GANAB: variants seen among roughly 807,000 people sequenced by gnomAD.
GANAB encodes glucosidase II alpha subunit, also known as neutral alpha-glucosidase AB.
Under a neutral mutation model 129.9 loss-of-function variants are expected in GANAB, and 35 were observed. The observed-to-expected ratio is 0.27, with a 90% CI of 0.21 to 0.36. The LOEUF (loss-of-function observed/expected upper bound fraction) is 0.36, where lower values mean the gene tolerates loss of function less well. GANAB is among the 10% of genes least tolerant of loss of function. The pLI is 1.00. For missense variants in GANAB, 939 were observed against 1,221.0 expected, an observed-to-expected ratio of 0.77 and a Z score of 3.44; for synonymous variants, 482 against 451.8, an observed-to-expected ratio of 1.07 and a Z score of -0.85.
chr11:62,630,640 G>A lies in GANAB; in HGVS notation c.1347C>T (p.Pro449=). The change falls in exon 11 of 24, where the codon CCC becomes CCT. Residue 449 remains proline, a synonymous_variant. Coordinates refer to ENST00000356638, the MANE Select transcript of GANAB (RefSeq NM_198334.3). ...AAGCCAAGCGCTCAAGCATGGTGCG[G>A]GGCTGAGGGAAGCGACTGGGGTCCC... ...FTWDPSRFPQ[P]RTMLERLASK... 6.2e-7 allele frequency: 1 copy of A among 1,614,150 alleles called. No individual in the cohort carries two copies. The highest frequency in any genetic ancestry group is 8.5e-7 in the Non-Finnish European group (1 of 1,179,976).
intron 9 of GANAB, among the ~76,000 whole-genome samples, chr11:62,632,334 G>GT (rs1240638112): frequency 2.0e-5 from 3 of 152,140 alleles, no homozygotes; most frequent in Non-Finnish European, 1.5e-5. Context: ...TACCTAGCAC[G>GT]TAACACACTG....
Position 62,638,690 on chromosome 11 carries a change from G to T in GANAB, c.380+293C>A, listed in dbSNP as rs2956993. On this transcript the variant is annotated intron_variant, in intron 4 of 23. Coordinates refer to ENST00000356638, the MANE Select transcript of GANAB (RefSeq NM_198334.3). The stretch of plus-strand genomic sequence containing the variant: ...GGTAGACATTGTATTCCTGGAGAAC[G>T]AGATCTGTAAATAAACAGGGCCTTG... Among the ~76,000 whole-genome samples, 98,492 of 151,456 alleles carry T rather than the reference G, an allele frequency of 0.65. 32,490 individuals are homozygous for T. The highest frequency in any genetic ancestry group is 0.93 in the East Asian group (4,775 of 5,154).
At position 62,630,220 on chromosome 11, in the gene GANAB, T is replaced by C. The variant is rs750867994; in HGVS notation, c.1570A>G (p.Met524Val). Residue 524 changes from methionine (M) to valine (V), a missense_variant, in exon 13 of 24, where the codon ATG becomes GTG. Physicochemically the swap from Met to Val is conservative, Grantham distance 21 (BLOSUM62 1). This residue lies in a region of GANAB where 220 missense variants were observed against 295.9 expected (regional missense o/e 0.74). Coordinates refer to ENST00000356638, the MANE Select transcript of GANAB (RefSeq NM_198334.3). ...ACCTCATAATTGTCATAGCTGAACATGTTAGCCCACCAGGCCCTCATCGTG... is the reference window on the plus strand; with the variant it reads ...ACCTCATAATTGTCATAGCTGAACACGTTAGCCCACCAGGCCCTCATCGTG... ...NPTMRAWWAN[M>V]FSYDNYEGSA... 2.5e-6 allele frequency: 4 copies of C among 1,613,086 alleles called. No homozygotes were observed. Among genetic ancestry groups the C allele is most frequent in the South Asian group, 2.2e-5 (2 of 90,952 alleles).
intron 1 of GANAB, among the ~76,000 whole-genome samples, chr11:62,646,016 G>GCA: frequency 6.6e-6 from 1 of 152,356 alleles, no homozygotes; most frequent in African/African-American, 2.4e-5. Context: ...TGGACCCTGG[G>GCA]CCGTGCCCAG....
intron 5 of GANAB, chr11:62,634,198 A>T (rs962202355): frequency 2.0e-5 from 15 of 736,538 alleles, no homozygotes; most frequent in Non-Finnish European, 3.5e-5. Flanking sequence ...CAGCAGGGGA[A>T]AGTGGGGTGA....
rs770977194 is a variant in GANAB at position 62,635,016 on chromosome 11, A to G, written c.381-16T>C. 20 of 1,596,674 alleles carry G rather than the reference A, an allele frequency of 1.3e-5. No homozygotes were observed. In the Middle Eastern group the frequency reaches 8.3e-4, roughly 66 times the overall value. ...GACAGAAAGCCTGGGAAACATATCA[A>G]AAGAAATATAAGGAAGTACAAAGGG... is the stretch of plus-strand genomic sequence containing the variant. On this transcript the variant is annotated splice_polypyrimidine_tract_variant and intron_variant, in intron 4 of 23. Coordinates refer to ENST00000356638, the MANE Select transcript of GANAB (RefSeq NM_198334.3).
chr11:62,629,399 G>T (rs1590798201), intron 15 of GANAB, 104 bp from the exon 16 acceptor site: 1 of 898,722 alleles, frequency 1.1e-6, no homozygotes, highest in East Asian at 2.4e-5. Context: ...CCCTGCTGAA[G>T]ATGCAGTTCA....
rs1378621791 is a variant in GANAB, at chr11:62,646,610, G to C, written c.-11C>G. On this transcript the variant is annotated 5_prime_UTR_variant, in exon 1 of 24. Transcript: ENST00000356638. ...CGCTACCGCCGCCATCTTGTGCAGA[G>C]TTTGCTCCTTGACCCCAAACCTCCC... 1.2e-6 allele frequency: 2 copies of C among 1,614,004 alleles called. No homozygotes were observed. Among genetic ancestry groups the C allele is most frequent in the Non-Finnish European group, 8.5e-7 (1 of 1,179,974 alleles).
intron 2 of GANAB, 80 bp from the exon 3 acceptor site, chr11:62,639,547 A>G: frequency 7.0e-7 from 1 of 1,420,874 alleles, no homozygotes; most frequent in Non-Finnish European, 1.0e-6. Flanking sequence ...CAGTGTCCTT[A>G]GGCACTCCAT....
intron 20 of GANAB, 58 bp from the exon 21 acceptor site, chr11:62,626,742 A>G (rs1211527430): frequency 1.5e-6 from 2 of 1,363,944 alleles, no homozygotes; most frequent in African/African-American, 2.9e-5. Context: ...TGGGCCCCAC[A>G]GCATGTTTTG....
At chr11:62,645,579 T>G (rs1329106722) in intron 1 of GANAB, among the ~76,000 whole-genome samples, 1 of 151,050 alleles carries the variant, frequency 6.6e-6, no homozygotes, top group Non-Finnish European at 1.5e-5. Flanking sequence ...AAATACCCTC[T>G]GGGGCCCTAT....
Position 62,625,171 on chromosome 11 carries a change from T to C in GANAB, c.*644A>G, listed in dbSNP as rs2134451180. ...TCTTTCTGCCGAGGGACAGAGGAGG[T>C]AGAACTGCCCCTCTAAGAATTGCAG... On this transcript the variant is annotated 3_prime_UTR_variant, in exon 24 of 24. Transcript: ENST00000356638. 1 of 453,224 alleles carries C rather than the reference T, an allele frequency of 2.2e-6. No homozygotes were observed. The highest frequency in any genetic ancestry group is 4.4e-6 in the Non-Finnish European group (1 of 226,222). 28.1% of individuals were successfully genotyped at this position (453,224 alleles called of 1,614,324 possible).
intron 13 of GANAB, 60 bp from the exon 14 acceptor site, chr11:62,630,017 T>C (rs1943588775): frequency 6.4e-7 from 1 of 1,565,878 alleles, no homozygotes; most frequent in Non-Finnish European, 8.8e-7. Flanking sequence ...AGACAAACAG[T>C]GTCAGAGAAG....
intron 1 of GANAB, among the ~76,000 whole-genome samples, chr11:62,645,768 T>C (rs1944451362): frequency 6.6e-6 from 1 of 152,202 alleles, no homozygotes; most frequent in Admixed American, 6.5e-5. Context: ...CACGCATTTA[T>C]TGTTTCAGAT....
chr11:62,641,008 C>G (rs1944228478), intron 1 of GANAB, among the ~76,000 whole-genome samples: 1 of 151,832 alleles, frequency 6.6e-6, no homozygotes, highest in Non-Finnish European at 1.5e-5. Flanking sequence ...CCACATCTTT[C>G]TATCGGCAAG....
intron 5 of GANAB, 82 bp from the exon 6 acceptor site, chr11:62,633,596 G>A (rs887165661): frequency 8.1e-7 from 1 of 1,236,164 alleles, no homozygotes; most frequent in Non-Finnish European, 1.2e-6. Flanking sequence ...GGGGAATAGA[G>A]AGCCAAGGGT....
rs771390500 is a variant in GANAB, at chr11:62,626,943, G to A, written c.2323-9C>T. On this transcript the variant is annotated splice_polypyrimidine_tract_variant and intron_variant, in intron 19 of 23. Coordinates refer to ENST00000356638, the MANE Select transcript of GANAB (RefSeq NM_198334.3). ...TGAATGTCATACCACACCTGTGAGT[G>A]ACAAAAGAGGTAAGATACCGGATCA... 12 of 1,607,136 alleles carry A rather than the reference G, an allele frequency of 7.5e-6. No homozygotes were observed. The highest frequency in any genetic ancestry group is 2.2e-5 in the South Asian group (2 of 90,942).
In GANAB at chr11:62,630,241, T is replaced by A. The variant is rs1227760662; in HGVS notation, c.1549A>T (p.Met517Leu). ...AACATGTTAGCCCACCAGGCCCTCA[T>A]CGTGGGATTAGTGAAGTCAGGGTAA... The part of the protein sequence containing the change: ...AGYPDFTNPT[M>L]RAWWANMFSY... The change falls in exon 13 of 24, where the codon ATG becomes TTG. Residue 517 changes from methionine to leucine, a missense_variant. Transcript: ENST00000356638. 2 of 1,613,788 alleles carry A rather than the reference T, an allele frequency of 1.2e-6. No individual in the cohort carries two copies. Among genetic ancestry groups the A allele is most frequent in the Admixed American group, 3.3e-5 (2 of 59,964 alleles).
Position 62,639,543 on chromosome 11 carries a change from C to G in GANAB, c.144-76G>C. On this transcript the variant is annotated intron_variant, in intron 2 of 23. Transcript: ENST00000356638. Reference sequence around the variant, plus strand: ...TAAGTCAGTCTATCACCTGCAGTGTCCTTAGGCACTCCATCTGCCACAGAT... The same window carrying G: ...TAAGTCAGTCTATCACCTGCAGTGTGCTTAGGCACTCCATCTGCCACAGAT... 4 of 1,425,950 alleles carry G rather than the reference C, an allele frequency of 2.8e-6. No individual in the cohort carries two copies. In the South Asian group the frequency reaches 4.6e-5, roughly 16 times the overall value. 88.3% of individuals were successfully genotyped at this position (1,425,950 alleles called of 1,614,324 possible).
Sources: allele counts gnomAD v4.1 joint callset (sites outside exome capture counted in the v4.1 genomes callset), GRCh38; gene constraint gnomAD v4.1.1; regional missense constraint gnomAD v4.1.1; transcripts MANE v1.5; gene names NCBI Gene and HGNC (gene_info 2026-07-23, HGNC 2026-07-21).